The following NIPBL variants were observed in gnomAD, a reference collection of about 807,000 sequenced individuals.
NIPBL encodes nipped-B-like protein.
A neutral mutation model predicts 321.8 loss-of-function variants in NIPBL; 19 were observed. The ratio of observed to expected loss-of-function variants is 0.06; its 90% confidence interval spans 0.04 to 0.09. NIPBL has a LOEUF of 0.09. Among genes scored for constraint, NIPBL ranks in the 10% least tolerant of loss-of-function variants. The probability of loss-of-function intolerance (pLI) is 1.00; values close to 1 mark genes in which losing one functional copy is unlikely to be tolerated. For synonymous variants in NIPBL, 1,106 were observed against 1,114.1 expected, an observed-to-expected ratio of 0.99 and a Z score of 0.14; for missense variants, 2,210 against 3,327.0, an observed-to-expected ratio of 0.66 and a Z score of 8.26.
chr5:36,913,962 A>G (rs1748248983), intron 1 of NIPBL, among the ~76,000 whole-genome samples: 1 of 152,236 alleles, frequency 6.6e-6, no homozygotes, highest in East Asian at 1.9e-4. Flanking sequence ...ATTCTTGCTC[A>G]CATTACTTAT....
At chr5:37,012,478 T>G (rs1580467134) in intron 21 of NIPBL, among the ~76,000 whole-genome samples, 1 of 148,760 alleles carries the variant, frequency 6.7e-6, no homozygotes, top group African/African-American at 2.5e-5. Flanking sequence ...TTTTTTTTTT[T>G]TTTATTCATT....
chr5:36,912,087 G>A (rs1748092743), intron 1 of NIPBL, among the ~76,000 whole-genome samples: 1 of 152,170 alleles, frequency 6.6e-6, no homozygotes, highest in Non-Finnish European at 1.5e-5. Context: ...ACCCAATTAG[G>A]TTATTGCAAG....
intron 3 of NIPBL, among the ~76,000 whole-genome samples, chr5:36,956,576 A>G (rs905772642): frequency 1.5e-5 from 2 of 129,464 alleles, no homozygotes; most frequent in African/African-American, 3.0e-5. Flanking sequence ...TACTACTAAT[A>G]TTTTGTCACT....
intron 22 of NIPBL, among the ~76,000 whole-genome samples, chr5:37,015,551 G>T (rs909925037): frequency 3.3e-5 from 5 of 151,520 alleles, no homozygotes; most frequent in African/African-American, 9.7e-5. Context: ...CCAGCGTGGT[G>T]AAACCCTGTC....
chr5:37,001,266 T>G (rs1186703080), intron 14 of NIPBL, among the ~76,000 whole-genome samples, 188 bp downstream of exon 14: 1 of 152,110 alleles, frequency 6.6e-6, no homozygotes, highest in East Asian at 1.9e-4. Flanking sequence ...CTTTTCTGAA[T>G]CCCTAACTAT....
chr5:36,915,376 A>T (rs987050763), intron 1 of NIPBL, among the ~76,000 whole-genome samples: 14 of 152,190 alleles, frequency 9.2e-5, no homozygotes, highest in African/African-American at 3.4e-4. Context: ...AAACAAAGTC[A>T]GTTAACCAGA....
At chr5:36,992,150 T>G (rs979820804) in intron 10 of NIPBL, among the ~76,000 whole-genome samples, 3 of 152,106 alleles carry the variant, frequency 2.0e-5, no homozygotes, top group Non-Finnish European at 4.4e-5. Flanking sequence ...ATTTGATATC[T>G]CACAAAATTG....
At chr5:36,907,117 T>A (rs1378454724) in intron 1 of NIPBL, among the ~76,000 whole-genome samples, 1 of 152,194 alleles carries the variant, frequency 6.6e-6, no homozygotes, top group Non-Finnish European at 1.5e-5. Flanking sequence ...ACTCCACATC[T>A]TGTTAAATGG....
At chr5:36,994,882 C>CTT (rs113259070) in intron 10 of NIPBL, among the ~76,000 whole-genome samples, 88,284 of 151,822 alleles carry the variant, frequency 0.58, 28,228 homozygotes, top group African/African-American at 0.87. Flanking sequence ...TGCCTTGACT[C>CTT]TTGTGGGAAG....
rs142635202 is a variant in NIPBL, at chr5:37,026,300, A to G, written c.5781A>G (p.Thr1927=). 5.0e-6 allele frequency: 8 copies of G among 1,610,770 alleles called. No individual in the cohort carries two copies. The African/African-American group carries it at 1.1e-4, about 22-fold the overall frequency. ...PTPHNDKEAM[T]RKILNITDVV... The stretch of plus-strand genomic sequence containing the variant: ...CACACAATGACAAAGAAGCAATGAC[A>G]AGGAAAATTTTAAACATTACCGATG... Residue 1927 remains threonine (T), a synonymous_variant, in exon 31 of 47, where the codon ACA becomes ACG. Coordinates refer to ENST00000282516, the MANE Select transcript of NIPBL (RefSeq NM_133433.4).
chr5:36,971,906 C>T (rs1419758758), intron 7 of NIPBL, 39 bp from the exon 8 acceptor site: 9 of 1,574,644 alleles, frequency 5.7e-6, no homozygotes, highest in Admixed American at 1.7e-5. Flanking sequence ...TAAAGCCTCT[C>T]CTGTCATTCA....
intron 6 of NIPBL, among the ~76,000 whole-genome samples, chr5:36,968,009 T>C (rs975051588): frequency 6.9e-5 from 10 of 145,420 alleles, no homozygotes; most frequent in African/African-American, 1.3e-4. Flanking sequence ...GGTGGGAGGA[T>C]GGCTTGAGCC....
rs143607729 is a variant in NIPBL, at chr5:37,030,378, CAT to C, written c.5862+2979_5862+2980del. Reference sequence around the variant, plus strand: ...TTGGTTTAGTGAAAGAAAGCAAACTCATATATATATATATGACAGAGACATAA... The same window carrying C: ...TTGGTTTAGTGAAAGAAAGCAAACTCATATATATATATGACAGAGACATAA... On this transcript the variant is annotated intron_variant, in intron 32 of 46. Coordinates refer to ENST00000282516, the MANE Select transcript of NIPBL (RefSeq NM_133433.4). 6.6e-5 allele frequency among the ~76,000 whole-genome samples: 10 copies of C among 150,714 alleles called. No homozygotes were observed. In the East Asian group the frequency reaches 9.7e-4, roughly 15 times the overall value.
At chr5:36,937,597 T>G (rs2149579034) in intron 1 of NIPBL, among the ~76,000 whole-genome samples, 1 of 152,222 alleles carries the variant, frequency 6.6e-6, no homozygotes, top group East Asian at 1.9e-4. Flanking sequence ...AAAACAGATC[T>G]TTAGTTTTTT....
At chr5:36,968,096 A>G (rs76960140) in intron 6 of NIPBL, among the ~76,000 whole-genome samples, 1 of 107,954 alleles carries the variant, frequency 9.3e-6, no homozygotes, top group East Asian at 2.8e-4. Context: ...ACTCTGTCTC[A>G]AAAAAAAAAA....
At chr5:37,023,420 TGTTA>T (rs1399923022) in intron 29 of NIPBL, among the ~76,000 whole-genome samples, 1 of 152,194 alleles carries the variant, frequency 6.6e-6, no homozygotes, top group South Asian at 2.1e-4. Flanking sequence ...TATGAAAGTT[TGTTA>T]AAGAAAAATA....
chr5:37,037,861 C>T (rs974969094), intron 33 of NIPBL, among the ~76,000 whole-genome samples: 1 of 151,972 alleles, frequency 6.6e-6, no homozygotes, highest in Non-Finnish European at 1.5e-5. Flanking sequence ...AGCATTGTTC[C>T]AATTTCTGTT....
intron 4 of NIPBL, among the ~76,000 whole-genome samples, chr5:36,959,895 A>T (rs1244216182): frequency 3.4e-5 from 5 of 148,152 alleles, no homozygotes; most frequent in Admixed American, 6.7e-5. Flanking sequence ...ATTGCATGTT[A>T]TTTTTTTTTT....
chr5:36,901,729 G>A (rs894661724), intron 1 of NIPBL, among the ~76,000 whole-genome samples: 3 of 151,872 alleles, frequency 2.0e-5, no homozygotes, highest in Admixed American at 1.3e-4. Context: ...GGCTGGTCTC[G>A]AACTCCTGAC....
Sources: gnomAD v4.1 joint callset for allele counts (sites outside exome capture counted in the v4.1 genomes callset) on GRCh38, gnomAD v4.1.1 for gene constraint, MANE v1.5 for transcripts, NCBI Gene and HGNC (gene_info 2026-07-23, HGNC 2026-07-21) for gene names.